Variants in DLG2 observed in about 807,000 individuals in gnomAD.
DLG2 encodes discs large MAGUK scaffold protein 2.
A neutral mutation model predicts 132.5 loss-of-function variants in DLG2; 45 were observed. That is an observed-to-expected ratio of 0.34 (90% CI 0.27 to 0.44). The LOEUF (loss-of-function observed/expected upper bound fraction) is 0.44. Among genes scored for constraint, DLG2 ranks in the 20% least tolerant of loss-of-function variants. DLG2 has a pLI of 1.00. For missense variants in DLG2, 1,045 were observed against 1,196.9 expected, an observed-to-expected ratio of 0.87 and a Z score of 1.87; for synonymous variants, 424 against 419.6, an observed-to-expected ratio of 1.01 and a Z score of -0.13.
At chr11:84,958,337 A>G (rs538414385) in intron 6 of DLG2, among the ~76,000 whole-genome samples, 5 of 152,292 alleles carry the variant, frequency 3.3e-5, no homozygotes, top group African/African-American at 1.2e-4. Flanking sequence ...GTTCTATTGG[A>G]AAGCATTTCT....
intron 7 of DLG2, among the ~76,000 whole-genome samples, chr11:84,307,929 G>A (rs948009712): frequency 1.3e-5 from 2 of 152,108 alleles, no homozygotes; most frequent in Non-Finnish European, 2.9e-5. Flanking sequence ...CGGTGGATTC[G>A]TAGTCTTCCT....
chr11:84,999,953 A>C (rs750821786), intron 6 of DLG2, among the ~76,000 whole-genome samples: 4 of 152,040 alleles, frequency 2.6e-5, no homozygotes, highest in Non-Finnish European at 4.4e-5. Context: ...ATTTATTCAC[A>C]TTGGCAAGTT....
intron 6 of DLG2, among the ~76,000 whole-genome samples, chr11:84,854,684 CCT>C (rs1301216765): frequency 6.6e-6 from 1 of 151,986 alleles, no homozygotes; most frequent in African/African-American, 2.4e-5. Flanking sequence ...TTTATACATT[CCT>C]GTTTCCATGT....
intron 6 of DLG2, among the ~76,000 whole-genome samples, chr11:85,098,276 C>T (rs1034094294): frequency 1.3e-5 from 2 of 152,294 alleles, no homozygotes; most frequent in African/African-American, 2.4e-5. Context: ...AACCTAAGTA[C>T]CTTGATTCTA....
At chr11:83,847,422 T>C (rs1327281444) in intron 16 of DLG2, among the ~76,000 whole-genome samples, 2 of 152,240 alleles carry the variant, frequency 1.3e-5, no homozygotes, top group African/African-American at 2.4e-5. Context: ...AATTATCAAA[T>C]GTTCAAACCC....
At chr11:84,578,415 G>A (rs2099508488) in intron 6 of DLG2, among the ~76,000 whole-genome samples, 1 of 152,144 alleles carries the variant, frequency 6.6e-6, no homozygotes, top group Non-Finnish European at 1.5e-5. Context: ...AGCCACAGAG[G>A]CAGAGCTGCC....
chr11:85,129,161 G>A (rs2075441772), intron 5 of DLG2, among the ~76,000 whole-genome samples: 1 of 152,118 alleles, frequency 6.6e-6, no homozygotes, highest in South Asian at 2.1e-4. Context: ...ACTTGAAACT[G>A]GACAGAAACA....
At chr11:83,685,139 G>A (rs1453605457) in intron 18 of DLG2, among the ~76,000 whole-genome samples, 1 of 152,134 alleles carries the variant, frequency 6.6e-6, no homozygotes, top group Non-Finnish European at 1.5e-5. Context: ...TATAGGTGAG[G>A]ACTCTGGCTA....
Position 85,381,187 on chromosome 11 carries a change from A to C in DLG2, c.41-95822T>G, listed in dbSNP as rs907567231. ...AAGTATGCAGCAACCATTGCCATGT[A>C]CAAATTTGAGCCAAGTATTATTATT... On this transcript the variant is annotated intron_variant, in intron 3 of 27. Transcript: ENST00000376104. 2.6e-5 allele frequency among the ~76,000 whole-genome samples: 4 copies of C among 152,200 alleles called. 1 individual carries two copies. The highest frequency in any genetic ancestry group is 2.6e-4 in the Admixed American group (4 of 15,278).
At chr11:83,870,844 C>T (rs1292575114) in intron 16 of DLG2, among the ~76,000 whole-genome samples, 1 of 152,128 alleles carries the variant, frequency 6.6e-6, no homozygotes, top group African/African-American at 2.4e-5. Context: ...GAGCTGTAGG[C>T]CCCTTCACAT....
At chr11:84,807,990 C>T (rs2076184289) in intron 6 of DLG2, among the ~76,000 whole-genome samples, 1 of 152,116 alleles carries the variant, frequency 6.6e-6, no homozygotes, top group African/African-American at 2.4e-5. Flanking sequence ...CATCAGCCAT[C>T]AGAATCCAAT....
chr11:84,720,013 A>G (rs2061620957), intron 6 of DLG2, among the ~76,000 whole-genome samples: 2 of 152,086 alleles, frequency 1.3e-5, no homozygotes, highest in South Asian at 4.2e-4. Flanking sequence ...GATCCCAAGC[A>G]GAGAGCCACC....
intron 12 of DLG2, among the ~76,000 whole-genome samples, chr11:83,971,928 T>C (rs893918019): frequency 1.3e-5 from 2 of 152,162 alleles, no homozygotes; most frequent in African/African-American, 4.8e-5. Context: ...AATAAATATT[T>C]TCTTGTTTTT....
intron 7 of DLG2, among the ~76,000 whole-genome samples, chr11:84,487,771 G>A (rs1192611713): frequency 6.6e-6 from 1 of 152,124 alleles, no homozygotes; most frequent in African/African-American, 2.4e-5. Context: ...TGGGAAAAAT[G>A]AGGAAGGCTT....
intron 18 of DLG2, among the ~76,000 whole-genome samples, chr11:83,691,680 T>A (rs772434824): frequency 6.6e-6 from 1 of 152,176 alleles, no homozygotes; most frequent in African/African-American, 2.4e-5. Context: ...CAGAAGCCGA[T>A]AGAAGATACT....
chr11:83,673,935 CTG>C (rs1471349786), intron 18 of DLG2, among the ~76,000 whole-genome samples: 2 of 152,244 alleles, frequency 1.3e-5, no homozygotes, highest in African/African-American at 2.4e-5. Flanking sequence ...AATCCCTGAC[CTG>C]TCTTTCCAGA....
chr11:83,579,388 A>G (rs1441685933), intron 19 of DLG2, among the ~76,000 whole-genome samples: 1 of 152,238 alleles, frequency 6.6e-6, no homozygotes, highest in Non-Finnish European at 1.5e-5. Context: ...TCCATGCCTT[A>G]GACTACGTAG....
intron 3 of DLG2, among the ~76,000 whole-genome samples, chr11:85,473,286 A>C (rs2093042867): frequency 6.6e-6 from 1 of 152,244 alleles, no homozygotes; most frequent in African/African-American, 2.4e-5. Flanking sequence ...ACCATTGGCC[A>C]CAAGGTCCCC....
At chr11:85,201,759 A>G (rs183059925) in intron 4 of DLG2, among the ~76,000 whole-genome samples, 2 of 152,358 alleles carry the variant, frequency 1.3e-5, no homozygotes, top group East Asian at 3.9e-4. Context: ...AAGGCACTAG[A>G]GACCAACCCT....
Sources: gnomAD v4.1 joint callset for allele counts (sites outside exome capture counted in the v4.1 genomes callset) on GRCh38, gnomAD v4.1.1 for gene constraint, MANE v1.5 for transcripts, NCBI Gene and HGNC (gene_info 2026-07-23, HGNC 2026-07-21) for gene names.